The following PRH1 variants were observed in gnomAD, a reference collection of about 807,000 sequenced individuals.
The protein encoded by PRH1 is proline rich protein HaeIII subfamily 1.
In PRH1, 7 loss-of-function variants were observed where a neutral mutation model predicts 7.9. The observed-to-expected ratio is 0.89, with a 90% CI of 0.50 to 1.67. The LOEUF (loss-of-function observed/expected upper bound fraction) is 1.67, where lower values mean the gene tolerates loss of function less well. Ranked by LOEUF, PRH1 falls within the 40% of genes most tolerant of loss-of-function variation. PRH1 has a pLI of 0.00. For synonymous variants in PRH1, 45 were observed against 80.8 expected (o/e 0.56, Z 2.38); for missense variants, 109 against 223.6 (o/e 0.49, Z 3.27).
upstream of PRH1, chr12:11,047,305 CAGATA>C (rs1591884572): frequency 4.8e-6 from 1 of 210,070 alleles, no homozygotes; most frequent in Non-Finnish European, 1.0e-5. Context: ...ATAGATTAGA[CAGATA>C]ATTTTCAATA....
chr12:10,963,110 G>C (rs565396991), intron 2 of PRH1, among the ~76,000 whole-genome samples: 1 of 147,264 alleles, frequency 6.8e-6, no homozygotes, highest in East Asian at 2.0e-4. Context: ...TACCAGGAAA[G>C]ATATATAATA....
intron 1 of PRH1, chr12:10,985,942 A>G: frequency 6.3e-7 from 1 of 1,584,416 alleles, no homozygotes; most frequent in Non-Finnish European, 8.6e-7. Context: ...TAGAGAGTTG[A>G]GAGTTTCAGG....
At chr12:11,113,003 AACAG>A (rs775872673) in intron 1 of PRH1, among the ~76,000 whole-genome samples, 3 of 152,182 alleles carry the variant, frequency 2.0e-5, no homozygotes, top group Non-Finnish European at 4.4e-5. Context: ...ATACACCAAT[AACAG>A]ACAAACAGAG....
At chr12:10,886,596 AG>A (rs1949495821), upstream of PRH1, among the ~76,000 whole-genome samples, 1 of 152,240 alleles carries the variant, frequency 6.6e-6, no homozygotes, top group South Asian at 2.1e-4. Context: ...GGACTGCTGC[AG>A]GAGCTTGGGT....
intron 1 of PRH1, among the ~76,000 whole-genome samples, chr12:10,975,292 T>C (rs935689076): frequency 7.2e-5 from 11 of 152,196 alleles, no homozygotes; most frequent in East Asian, 3.9e-4. Context: ...TTAAAAAGAA[T>C]TTTTAATCAA....
intron 1 of PRH1, among the ~76,000 whole-genome samples, chr12:11,155,566 T>C (rs1947225523): frequency 6.6e-6 from 1 of 152,234 alleles, no homozygotes; most frequent in African/African-American, 2.4e-5. Context: ...GATTTGAGTT[T>C]GCCTCATTTT....
chr12:11,065,916 C>T (rs1378061588), intron 1 of PRH1, among the ~76,000 whole-genome samples: 1 of 152,136 alleles, frequency 6.6e-6, no homozygotes, highest in African/African-American at 2.4e-5. Flanking sequence ...ACAAACTCTC[C>T]TCACAGGGAA....
chr12:10,917,705 A>T (rs1448232316), intron 2 of PRH1, among the ~76,000 whole-genome samples: 3 of 152,318 alleles, frequency 2.0e-5, no homozygotes, highest in Middle Eastern at 3.4e-3. Context: ...GGAGACTAAC[A>T]GGATGTTGAA....
chr12:11,062,100 A>G (rs1483032881), intron 1 of PRH1: 1 of 1,613,578 alleles, frequency 6.2e-7, no homozygotes, highest in Non-Finnish European at 8.5e-7. Flanking sequence ...TTGCATACCA[A>G]TTTAATACTA....
At chr12:10,971,015 T>G (rs965055904) in intron 2 of PRH1, among the ~76,000 whole-genome samples, 1 of 152,208 alleles carries the variant, frequency 6.6e-6, no homozygotes, top group African/African-American at 2.4e-5. Flanking sequence ...CTTTTAAATA[T>G]TTTTATTATT....
At chr12:10,999,651 G>A (rs1228376948) in intron 1 of PRH1, among the ~76,000 whole-genome samples, 2 of 152,008 alleles carry the variant, frequency 1.3e-5, no homozygotes, top group Non-Finnish European at 2.9e-5. Context: ...CCACTTCCAG[G>A]CCACTTTCCA....
intron 2 of PRH1, among the ~76,000 whole-genome samples, chr12:10,906,389 T>G (rs1295869280): frequency 6.6e-6 from 1 of 152,396 alleles, no homozygotes; most frequent in South Asian, 2.1e-4. Context: ...AAGTTTTTAA[T>G]GTCCTCTCTT....
At chr12:11,101,277 C>T (rs1181077969) in intron 1 of PRH1, among the ~76,000 whole-genome samples, 1 of 152,184 alleles carries the variant, frequency 6.6e-6, no homozygotes, top group Non-Finnish European at 1.5e-5. Flanking sequence ...TGCCTAAGCA[C>T]AGGAGTTCAA....
intron 2 of PRH1, among the ~76,000 whole-genome samples, chr12:10,890,316 T>C (rs1308469429): frequency 6.6e-6 from 1 of 152,096 alleles, no homozygotes; most frequent in Non-Finnish European, 1.5e-5. Flanking sequence ...CATACAGATA[T>C]AAAGACAATA....
intron 1 of PRH1, among the ~76,000 whole-genome samples, chr12:11,110,020 C>G (rs963055431): frequency 1.3e-5 from 2 of 151,842 alleles, no homozygotes; most frequent in African/African-American, 4.8e-5. Context: ...CTTTGTGAAG[C>G]ATACACAAAT....
In PRH1 at chr12:11,096,278, T is replaced by A. The variant is rs1263233996; in HGVS notation, n.124-49090A>T. On this transcript the variant is annotated intron_variant and non_coding_transcript_variant, in intron 1 of 4. Coordinates refer to the PRH1 transcript ENST00000541977. ...CTCTTGATCTCTTTATGCTTCATTC[T>A]GGGTAGTTATCTTCCAATTCACTAA... Among the ~76,000 whole-genome samples the A allele has an allele frequency of 3.5e-5, 4 of 115,658 alleles. 1 individual carries two copies. The highest frequency in any genetic ancestry group is 1.2e-4 in the African/African-American group (4 of 34,420). 75.9% of individuals were successfully genotyped at this position (115,658 alleles called of 152,430 possible). A position where few individuals can be genotyped will look rare whatever the true frequency, so the allele number is the denominator to read the frequency against.
intron 2 of PRH1, among the ~76,000 whole-genome samples, chr12:10,901,715 A>G (rs1949726493): frequency 2.0e-5 from 3 of 152,102 alleles, no homozygotes; most frequent in Admixed American, 2.0e-4. Flanking sequence ...CTAATATAAA[A>G]CCTGCAACCT....
intron 1 of PRH1, among the ~76,000 whole-genome samples, chr12:11,126,807 CATT>C (rs1172123852): frequency 3.3e-5 from 5 of 152,066 alleles, no homozygotes. Flanking sequence ...CAAATTTTAG[CATT>C]GTTTAACAAC....
At chr12:11,130,934 C>G (rs112876373) in intron 1 of PRH1, among the ~76,000 whole-genome samples, 154 of 151,876 alleles carry the variant, frequency 1.0e-3, no homozygotes, top group Non-Finnish European at 2.0e-3. Flanking sequence ...TGGTATTGGA[C>G]ACAAACATGT....
Sources: allele counts gnomAD v4.1 joint callset (sites outside exome capture counted in the v4.1 genomes callset), GRCh38; gene constraint gnomAD v4.1.1; transcripts MANE v1.5; gene names NCBI Gene and HGNC (gene_info 2026-07-23, HGNC 2026-07-21).